The following SMURF1 variants were observed in gnomAD, a reference collection of about 807,000 sequenced individuals.
SMURF1 encodes E3 ubiquitin-protein ligase SMURF1.
Under a neutral mutation model 98.0 loss-of-function variants are expected in SMURF1, and 44 were observed. The ratio of observed to expected loss-of-function variants is 0.45; its 90% CI spans 0.35 to 0.58. The LOEUF is 0.58. Among genes scored for constraint, SMURF1 ranks in the 20% least tolerant of loss-of-function variants. The pLI, the probability that SMURF1 is intolerant of heterozygous loss-of-function variation, is 0.00. For synonymous variants in SMURF1, 396 were observed against 374.9 expected, an observed-to-expected ratio of 1.06 and a Z score of -0.65; for missense variants, 687 against 938.4, an observed-to-expected ratio of 0.73 and a Z score of 3.50.
intron 9 of SMURF1, 74 bp from the exon 10 acceptor site, chr7:99,047,956 A>C: frequency 7.3e-7 from 1 of 1,377,726 alleles, no homozygotes; most frequent in Non-Finnish European, 1.0e-6. Flanking sequence ...CGTACGCGAC[A>C]GGGTCAGAGG....
intron 1 of SMURF1, among the ~76,000 whole-genome samples, chr7:99,113,983 A>C (rs1034908986): frequency 1.3e-5 from 2 of 152,048 alleles, no homozygotes; most frequent in African/African-American, 4.8e-5. Flanking sequence ...TTAAAATATG[A>C]TTTAACAGAT....
intron 1 of SMURF1, among the ~76,000 whole-genome samples, chr7:99,073,466 T>TA (rs11429233): frequency 0.43 from 61,136 of 141,592 alleles, 14,341 homozygotes; most frequent in Non-Finnish European, 0.55. Flanking sequence ...ATTTAAAACT[T>TA]AAAAAAAAAA....
At chr7:99,075,654 A>G (rs1362512025) in intron 1 of SMURF1, among the ~76,000 whole-genome samples, 1 of 151,948 alleles carries the variant, frequency 6.6e-6, no homozygotes, top group East Asian at 1.9e-4. Context: ...AAACCCACAC[A>G]TTAGGTGTCA....
chr7:99,036,733 T>C (rs542357082), intron 15 of SMURF1, among the ~76,000 whole-genome samples: 1 of 152,308 alleles, frequency 6.6e-6, no homozygotes, highest in Admixed American at 6.5e-5. Flanking sequence ...TAAGATGCTC[T>C]TGTGGGAGAA....
At chr7:99,070,372 A>G (rs1165819226) in intron 1 of SMURF1, among the ~76,000 whole-genome samples, 1 of 152,184 alleles carries the variant, frequency 6.6e-6, no homozygotes, top group Non-Finnish European at 1.5e-5. Context: ...AGGATGAGGG[A>G]CATGGACACA....
intron 1 of SMURF1, among the ~76,000 whole-genome samples, chr7:99,101,170 T>C (rs1442650910): frequency 1.3e-5 from 2 of 151,992 alleles, no homozygotes; most frequent in Non-Finnish European, 2.9e-5. Flanking sequence ...GAATGTCCCA[T>C]CCCCGGCCTG....
intron 1 of SMURF1, among the ~76,000 whole-genome samples, chr7:99,065,301 G>A (rs768641979): frequency 3.3e-5 from 5 of 151,950 alleles, no homozygotes; most frequent in Admixed American, 6.6e-5. Flanking sequence ...TTGCCCAGGC[G>A]GGTCTGAAAC....
chr7:99,031,928 G>GTGAT (rs1194589099), intron 17 of SMURF1, among the ~76,000 whole-genome samples: 1 of 152,208 alleles, frequency 6.6e-6, no homozygotes, highest in African/African-American at 2.4e-5. Flanking sequence ...GTGTACGCAA[G>GTGAT]TGATTGTATT....
At chr7:99,125,692 C>T (rs1459565108) in intron 1 of SMURF1, among the ~76,000 whole-genome samples, 1 of 152,240 alleles carries the variant, frequency 6.6e-6, no homozygotes, top group Non-Finnish European at 1.5e-5. Flanking sequence ...AAAGCCAGGA[C>T]TGGAACCCAG....
At chr7:99,053,424 A>C (rs1402197325) in intron 6 of SMURF1, among the ~76,000 whole-genome samples, 1 of 151,722 alleles carries the variant, frequency 6.6e-6, no homozygotes, top group Non-Finnish European at 1.5e-5. Context: ...ATGACTAAAA[A>C]ATGTTCATTA....
At chr7:99,143,575 G>A (rs1324294610) in intron 1 of SMURF1, 151 bp downstream of exon 1, 2 of 572,622 alleles carry the variant, frequency 3.5e-6, no homozygotes, top group African/African-American at 2.1e-5. Flanking sequence ...GGGGCCAGGA[G>A]GGAGAAGCGA....
intron 1 of SMURF1, among the ~76,000 whole-genome samples, chr7:99,064,196 C>T (rs1796134872): frequency 6.6e-6 from 1 of 152,164 alleles, no homozygotes; most frequent in Non-Finnish European, 1.5e-5. Context: ...AATTTCACAT[C>T]TATATTCATA....
At chr7:99,117,014 T>C (rs957301470) in intron 1 of SMURF1, among the ~76,000 whole-genome samples, 1 of 152,092 alleles carries the variant, frequency 6.6e-6, no homozygotes, top group Non-Finnish European at 1.5e-5. Flanking sequence ...ATCAACAGGA[T>C]ACAATTGAGA....
At chr7:99,035,482 G>T (rs370530287) in intron 16 of SMURF1, 33 bp downstream of exon 16, 2 of 1,611,670 alleles carry the variant, frequency 1.2e-6, no homozygotes, top group African/African-American at 1.3e-5. Flanking sequence ...ACATAGACGC[G>T]TCATCGAATA....
At chr7:99,066,728 A>G (rs967110317) in intron 1 of SMURF1, among the ~76,000 whole-genome samples, 16 of 151,306 alleles carry the variant, frequency 1.1e-4, no homozygotes, top group Non-Finnish European at 5.9e-5. Context: ...GCAGTGAGCT[A>G]TGACCACACC....
At chr7:99,038,073 G>A (rs749083404) in intron 14 of SMURF1, among the ~76,000 whole-genome samples, 68 of 152,106 alleles carry the variant, frequency 4.5e-4, no homozygotes, top group Non-Finnish European at 7.8e-4. Context: ...GACTGAGCAC[G>A]AGAGACCCTC....
intron 13 of SMURF1, 69 bp downstream of exon 13, chr7:99,040,309 A>G (rs551384965): frequency 1.1e-4 from 134 of 1,258,260 alleles, no homozygotes; most frequent in Admixed American, 1.5e-4. Context: ...GCGCGCGCGC[A>G]CGCGCATACA....
At chr7:99,078,493 GT>G (rs1796511914) in intron 1 of SMURF1, among the ~76,000 whole-genome samples, 4 of 152,036 alleles carry the variant, frequency 2.6e-5, no homozygotes, top group African/African-American at 9.7e-5. Flanking sequence ...TAAAACAGGG[GT>G]CCTCAACCCC....
chr7:99,031,851 C>G (rs1245322986), intron 17 of SMURF1, among the ~76,000 whole-genome samples: 8 of 152,210 alleles, frequency 5.3e-5, no homozygotes, highest in Non-Finnish European at 1.2e-4. Context: ...GGCATCTCAG[C>G]AGCATCTAGA....
Sources: allele counts gnomAD v4.1 joint callset (sites outside exome capture counted in the v4.1 genomes callset), GRCh38; gene constraint gnomAD v4.1.1; transcripts MANE v1.5; gene names NCBI Gene and HGNC (gene_info 2026-07-23, HGNC 2026-07-21).